Variants in GRB14 observed in about 807,000 individuals in gnomAD.
GRB14 encodes growth factor receptor-bound protein 14.
In GRB14, 38 loss-of-function variants were observed where a neutral mutation model predicts 69.1. The observed-to-expected ratio is 0.55, with a 90% CI of 0.42 to 0.72. The LOEUF (loss-of-function observed/expected upper bound fraction) is 0.72. GRB14 is among the 30% of genes least tolerant of loss of function. GRB14 has a pLI of 0.00. For missense variants in GRB14, 666 were observed against 666.1 expected, an observed-to-expected ratio of 1.00 and a Z score of 0.00; for synonymous variants, 247 against 241.3, an observed-to-expected ratio of 1.02 and a Z score of -0.22.
At chr2:164,562,963 G>A (rs973436164) in intron 2 of GRB14, among the ~76,000 whole-genome samples, 1 of 152,162 alleles carries the variant, frequency 6.6e-6, no homozygotes, top group Non-Finnish European at 1.5e-5. Flanking sequence ...TCCTGGTTGA[G>A]TATGCAACTA....
chr2:164,555,785 A>T (rs1470774987), intron 2 of GRB14, among the ~76,000 whole-genome samples: 1 of 151,642 alleles, frequency 6.6e-6, no homozygotes, highest in Admixed American at 6.6e-5. Flanking sequence ...TTAATACAAG[A>T]TAAAAGAAAC....
intron 2 of GRB14, among the ~76,000 whole-genome samples, chr2:164,578,530 AC>A (rs1689311273): frequency 2.0e-5 from 3 of 151,696 alleles, no homozygotes; most frequent in African/African-American, 7.3e-5. Context: ...GCGCACACAC[AC>A]ACACACACAC....
intron 3 of GRB14, among the ~76,000 whole-genome samples, chr2:164,529,135 G>C (rs1002428153): frequency 2.6e-5 from 4 of 152,114 alleles, no homozygotes; most frequent in Admixed American, 2.0e-4. Context: ...AAGCTATTTT[G>C]CTAAGTGAAA....
At chr2:164,594,149 A>T (rs1277732305) in intron 2 of GRB14, among the ~76,000 whole-genome samples, 5 of 136,654 alleles carry the variant, frequency 3.7e-5, no homozygotes, top group African/African-American at 1.2e-4. Context: ...TCTGTCTAAT[A>T]AAAAAAAAAA....
chr2:164,573,690 C>T, intron 2 of GRB14: 1 of 1,597,678 alleles, frequency 6.3e-7, no homozygotes, highest in Non-Finnish European at 8.6e-7. Context: ...TTGAGTTGCC[C>T]AGTTAGGAGC....
Position 164,574,432 on chromosome 2 carries a change from G to C in GRB14, c.325-26616C>G, listed in dbSNP as rs193058023. Among the ~76,000 whole-genome samples, 813 of 151,902 alleles carry C rather than the reference G, an allele frequency of 5.4e-3. 12 individuals carry two copies. The highest frequency in any genetic ancestry group is 0.019 in the African/African-American group (771 of 41,436). Reference sequence around the variant, plus strand: ...AATTTTTGTATTTTTAGTAGAGACGGGGTTCACCACGTTGGCCAGGATGGT... The same window carrying C: ...AATTTTTGTATTTTTAGTAGAGACGCGGTTCACCACGTTGGCCAGGATGGT... On this transcript the variant is annotated intron_variant, in intron 2 of 13. Coordinates refer to ENST00000263915, the MANE Select transcript of GRB14 (RefSeq NM_004490.3).
chr2:164,495,711 G>A (rs1448946413), intron 12 of GRB14, among the ~76,000 whole-genome samples: 1 of 152,178 alleles, frequency 6.6e-6, no homozygotes, highest in Admixed American at 6.5e-5. Context: ...TGTGCTGTGT[G>A]AGATTCCGAC....
At chr2:164,512,847 G>A (rs766464277) in intron 6 of GRB14, among the ~76,000 whole-genome samples, 8 of 152,168 alleles carry the variant, frequency 5.3e-5, no homozygotes, top group South Asian at 2.1e-4. Flanking sequence ...GGTCTCCGTC[G>A]TTAGCTGTTT....
chr2:164,592,546 C>T (rs1470539689), intron 2 of GRB14, among the ~76,000 whole-genome samples: 1 of 152,182 alleles, frequency 6.6e-6, no homozygotes, highest in Non-Finnish European at 1.5e-5. Context: ...ACCTCTTGGG[C>T]ACCACCAGGC....
intron 2 of GRB14, among the ~76,000 whole-genome samples, chr2:164,575,345 A>C (rs2105333559): frequency 6.6e-6 from 1 of 152,348 alleles, no homozygotes; most frequent in East Asian, 1.9e-4. Flanking sequence ...TAGTCATCCA[A>C]GTGATTGTAA....
In GRB14 at chr2:164,494,306, C is replaced by A; in HGVS notation, c.1476+125G>T. On this transcript the variant is annotated intron_variant, in intron 13 of 13. Coordinates refer to ENST00000263915, the MANE Select transcript of GRB14 (RefSeq NM_004490.3). ...TTAACTCTAGTCAAAGCACAAGCTGCCAAATTATATTTAATAAAAAGACCA... is the reference window on the plus strand; with the variant it reads ...TTAACTCTAGTCAAAGCACAAGCTGACAAATTATATTTAATAAAAAGACCA... The A allele has an allele frequency of 4.9e-6, 3 of 618,100 alleles. No individual in the cohort carries two copies. In the Admixed American group the frequency reaches 8.9e-5, roughly 18 times the overall value. 38.3% of individuals were successfully genotyped at this position (618,100 alleles called of 1,614,324 possible).
At chr2:164,508,057 C>G (rs959403844) in intron 8 of GRB14, among the ~76,000 whole-genome samples, 1 of 152,150 alleles carries the variant, frequency 6.6e-6, no homozygotes, top group Non-Finnish European at 1.5e-5. Context: ...GAATCGAACA[C>G]AAAACAGTTA....
At position 164,508,524 on chromosome 2, in the gene GRB14, G is replaced by T; in HGVS notation, c.954C>A (p.Asp318Glu). ...CTTCTTCTGCACAGAGCATTTTCAG[G>T]TCTCGGGGCCCTCCCGCTTTGTTAG... Reference protein sequence around the residue: ...FKPNKAGGPRDLKMLCAEEEQ... With the variant: ...FKPNKAGGPRELKMLCAEEEQ... The change falls in exon 8 of 14, where the codon GAC becomes GAA. Residue 318 changes from aspartate to glutamate, a missense_variant. Transcript: ENST00000263915. The T allele has an allele frequency of 3.7e-6, 6 of 1,613,990 alleles. No homozygotes were observed. The East Asian group carries it at 1.3e-4, about 36-fold the overall frequency.
At chr2:164,617,959 TGGGG>T (rs68125620) in intron 2 of GRB14, among the ~76,000 whole-genome samples, 18 of 77,064 alleles carry the variant, frequency 2.3e-4, no homozygotes, top group South Asian at 5.5e-4. Flanking sequence ...ATCTTTTTTT[TGGGG>T]GGGGGGGGGT....
intron 2 of GRB14, among the ~76,000 whole-genome samples, chr2:164,610,381 T>C (rs1690139266): frequency 6.6e-6 from 1 of 152,116 alleles, no homozygotes; most frequent in Non-Finnish European, 1.5e-5. Flanking sequence ...ATAATTATAC[T>C]ATATAAAAAA....
At chr2:164,511,471 T>A (rs1012735919) in intron 6 of GRB14, among the ~76,000 whole-genome samples, 2 of 152,056 alleles carry the variant, frequency 1.3e-5, no homozygotes, top group Non-Finnish European at 2.9e-5. Context: ...ATTCAGAAAG[T>A]AGCTCCCAGA....
intron 2 of GRB14, among the ~76,000 whole-genome samples, chr2:164,550,056 T>A (rs565823874): frequency 1.0e-3 from 158 of 152,264 alleles, no homozygotes; most frequent in African/African-American, 3.7e-3. Context: ...GATTTCTCCA[T>A]CTCAGGTATG....
chr2:164,530,131 AT>A (rs1687885727), intron 3 of GRB14, among the ~76,000 whole-genome samples: 1 of 152,286 alleles, frequency 6.6e-6, no homozygotes, highest in South Asian at 2.1e-4. Context: ...AAAGGGGTTT[AT>A]TTGGCTCATG....
Position 164,502,339 on chromosome 2 carries a change from C to A in GRB14, c.1024-4G>T. On this transcript the variant is annotated splice_region_variant and splice_polypyrimidine_tract_variant and intron_variant, in intron 8 of 13. Coordinates refer to ENST00000263915, the MANE Select transcript of GRB14 (RefSeq NM_004490.3). ...TCTGGTACAGCTGCATGCCATACTG[C>A]AGAATAAATAAATAAAACACATTCC... 3 of 1,518,714 alleles carry A rather than the reference C, an allele frequency of 2.0e-6. No homozygotes were observed. Among genetic ancestry groups the A allele is most frequent in the Non-Finnish European group, 2.7e-6 (3 of 1,095,966 alleles). The allele number at this position is 1,518,714 out of a possible 1,614,324, so 94.1% of individuals were successfully genotyped here.
Sources: allele counts gnomAD v4.1 joint callset (sites outside exome capture counted in the v4.1 genomes callset), GRCh38; gene constraint gnomAD v4.1.1; transcripts MANE v1.5; gene names NCBI Gene and HGNC (gene_info 2026-07-23, HGNC 2026-07-21).